The following SEC14L3 variants were observed in gnomAD, a reference collection of about 807,000 sequenced individuals.
SEC14L3 encodes the protein SEC14 like lipid binding 3.
Under a neutral mutation model 57.4 loss-of-function variants are expected in SEC14L3, and 56 were observed. The observed-to-expected ratio is 0.97, with a 90% confidence interval of 0.79 to 1.22. The LOEUF (loss-of-function observed/expected upper bound fraction) is 1.22. SEC14L3 is among the 50% of genes most tolerant of loss of function. SEC14L3 has a pLI of 0.00. For missense variants in SEC14L3, 485 were observed against 511.7 expected (o/e 0.95, Z 0.50); for synonymous variants, 173 against 194.4 (o/e 0.89, Z 0.92).
In SEC14L3 at chr22:30,459,535, C is replaced by A. The variant is rs1393908527; in HGVS notation, c.*486G>T. ...GCTGAAATCCACCCCACATAGGCTC[C>A]TCCTAATCATGTACAGCTGTTGAGT... is the stretch of plus-strand genomic sequence containing the variant. On this transcript the variant is annotated 3_prime_UTR_variant, in exon 12 of 12. Transcript: ENST00000215812. 1.0e-6 allele frequency: 1 copy of A among 986,224 alleles called. No homozygotes were observed. Among genetic ancestry groups the A allele is most frequent in the East Asian group, 1.1e-4 (1 of 8,850 alleles). 61.1% of individuals were successfully genotyped at this position (986,224 alleles called of 1,614,324 possible). A position where few individuals can be genotyped will look rare whatever the true frequency, so the allele number is the denominator to read the frequency against.
intron 12 of SEC14L3, among the ~76,000 whole-genome samples, chr22:30,449,857 G>A (rs866142760): frequency 6.6e-6 from 1 of 152,092 alleles, no homozygotes; most frequent in African/African-American, 2.4e-5. Context: ...GAGCCACCAC[G>A]CCTGGCCCCA....
downstream of SEC14L3, among the ~76,000 whole-genome samples, chr22:30,454,512 ATAATAT>A (rs1240238488): frequency 1.6e-5 from 2 of 125,550 alleles, no homozygotes; most frequent in South Asian, 4.8e-4. Flanking sequence ...ATAATCTATA[ATAATAT>A]TATTATATAT....
In SEC14L3 at chr22:30,461,315, C is replaced by A; in HGVS notation, c.1076G>T (p.Gly359Val). 2 of 1,587,384 alleles carry A rather than the reference C, an allele frequency of 1.3e-6. No homozygotes were observed. ...CCCAGCTGGGGCAGACTTACAGACG[C>A]CGGCCTCTGAGCAGGTGAGGTTCCC... ...EDGNLTCSEA[G>V]VYVLRFDNTY... The change falls in exon 11 of 12, where the codon GGC (glycine) becomes GTC (valine). Residue 359 changes from glycine to valine, a missense_variant. Transcript: ENST00000215812.
Position 30,470,273 on chromosome 22 carries a change from G to A in SEC14L3, c.131-18C>T. ...ATTCCGAGCTGTGGGAAAACAGAAG[G>A]AAGGTGTGAGACAGGAAAGATGCCT... On this transcript the variant is annotated intron_variant, in intron 2 of 11. Coordinates refer to ENST00000215812, the MANE Select transcript of SEC14L3 (RefSeq NM_174975.5). 3 of 1,611,470 alleles carry A rather than the reference G, an allele frequency of 1.9e-6. No individual in the cohort carries two copies. Among genetic ancestry groups the A allele is most frequent in the Non-Finnish European group, 2.5e-6 (3 of 1,178,860 alleles).
downstream of SEC14L3, among the ~76,000 whole-genome samples, chr22:30,454,778 AT>A (rs1935064264): frequency 2.6e-5 from 2 of 77,140 alleles, no homozygotes; most frequent in African/African-American, 1.1e-4. Flanking sequence ...ATAATATATT[AT>A]TATATATTAT....
rs1935178571 is a variant in SEC14L3 at position 30,459,326 on chromosome 22, G to T, written c.*695C>A. On this transcript the variant is annotated 3_prime_UTR_variant, in exon 12 of 12. Transcript: ENST00000215812. Reference sequence around the variant, plus strand: ...AAGCTATGTGCAACAAGGGAAGTGGGTTAGGGTGGGAAGCTGAGCGTGCAA... The same window carrying T: ...AAGCTATGTGCAACAAGGGAAGTGGTTTAGGGTGGGAAGCTGAGCGTGCAA... 1 of 985,338 alleles carries T rather than the reference G, an allele frequency of 1.0e-6. No homozygotes were observed. Among genetic ancestry groups the T allele is most frequent in the African/African-American group, 1.7e-5 (1 of 57,246 alleles). The allele number at this position is 985,338 out of a possible 1,614,324, so 61.0% of individuals were successfully genotyped here. A position where few individuals can be genotyped will look rare whatever the true frequency, so the allele number is the denominator to read the frequency against.
downstream of SEC14L3, among the ~76,000 whole-genome samples, chr22:30,454,657 T>C (rs1237362116): frequency 1.9e-5 from 2 of 105,466 alleles, no homozygotes; most frequent in African/African-American, 7.8e-5. Context: ...ATAATATTAC[T>C]ATATATAATC....
chr22:30,455,065 A>ATAATATATAATATATTAAATATT (rs1935085106), downstream of SEC14L3, among the ~76,000 whole-genome samples: 1 of 29,264 alleles, frequency 3.4e-5, no homozygotes, highest in Non-Finnish European at 4.8e-5. Flanking sequence ...TATATTATAT[A>ATAATATATAATATATTAAATATT]TAATATATAA....
At chr22:30,470,179 C>T (rs938428158) in intron 3 of SEC14L3, 33 bp downstream of exon 3, 3 of 1,613,840 alleles carry the variant, frequency 1.9e-6, no homozygotes, top group Non-Finnish European at 2.5e-6. Context: ...TGACAAATCC[C>T]CTCCATAAAT....
At chr22:30,449,167 A>G in exon 13 of SEC14L3, 1 of 1,550,580 alleles carries the variant, frequency 6.4e-7, no homozygotes, top group Non-Finnish European at 8.7e-7. Context: ...TGCGAGTTTG[A>G]GTGTGAGTTC....
chr22:30,467,283 C>CCA (rs58327765), intron 5 of SEC14L3: 13 of 265,916 alleles, frequency 4.9e-5, no homozygotes, highest in African/African-American at 9.3e-5. Flanking sequence ...ATCCATCCAT[C>CCA]TATCCAACCA....
At chr22:30,450,181 C>T (rs1166390877) in intron 12 of SEC14L3, among the ~76,000 whole-genome samples, 1 of 152,130 alleles carries the variant, frequency 6.6e-6, no homozygotes, top group East Asian at 1.9e-4. Context: ...GTTGAGGTAG[C>T]GGGGGCATGG....
chr22:30,467,073 C>G lies in SEC14L3; in HGVS notation c.428G>C (p.Gly143Ala), dbSNP rs558774611. 6.2e-7 allele frequency: 1 copy of G among 1,614,040 alleles called. No homozygotes were observed. Among genetic ancestry groups the G allele is most frequent in the African/African-American group, 1.3e-5 (1 of 75,032 alleles). ...CATCACGATGGTCTCAATCTTCTTC[C>G]CTAGCTGCAAGGATGAGAGCAAGAA... ...HECDLQTERL[G>A]KKIETIVMIF... Residue 143 changes from glycine to alanine, a missense_variant, in exon 6 of 12, where the codon GGG becomes GCG. By Grantham distance (60) the Gly-to-Ala change is moderately conservative. Coordinates refer to ENST00000215812, the MANE Select transcript of SEC14L3 (RefSeq NM_174975.5).
rs1376168231 is a variant in SEC14L3, at chr22:30,471,924, T to G, written c.35A>C (p.Gln12Pro). The G allele has an allele frequency of 6.2e-7, 1 of 1,612,044 alleles. No homozygotes were observed. The highest frequency in any genetic ancestry group is 1.3e-5 in the African/African-American group (1 of 74,842). The change falls in exon 1 of 12, where the codon CAG becomes CCG. Residue 12 changes from glutamine (Q) to proline (P), a missense_variant. Transcript: ENST00000215812. Reference protein sequence around the residue: ...SGRVGDLSPKQAETLAKFREN... With the variant: ...SGRVGDLSPKPAETLAKFREN... ...TCTCACCTTGGCCAGGGTCTCTGCC[T>G]GTTTGGGGCTCAGGTCTCCAACTCG... is the stretch of plus-strand genomic sequence containing the variant.
downstream of SEC14L3, among the ~76,000 whole-genome samples, chr22:30,455,599 G>A (rs1052855028): frequency 6.6e-6 from 1 of 152,142 alleles, no homozygotes; most frequent in Non-Finnish European, 1.5e-5. Flanking sequence ...AAAACCTGAT[G>A]TCTTAACTTT....
chr22:30,450,049 C>T (rs527859174), intron 12 of SEC14L3, among the ~76,000 whole-genome samples: 2 of 152,226 alleles, frequency 1.3e-5, no homozygotes, highest in East Asian at 1.9e-4. Context: ...TCCAGGTTCA[C>T]GGACACTTGT....
chr22:30,464,711 G>T, intron 8 of SEC14L3, 109 bp downstream of exon 8: 1 of 985,748 alleles, frequency 1.0e-6, no homozygotes, highest in Non-Finnish European at 1.6e-6. Flanking sequence ...GATTACATTC[G>T]TGAGCCACTG....
chr22:30,454,878 T>TTATATATATTATATAATATATAATA (rs1935072317), downstream of SEC14L3, among the ~76,000 whole-genome samples: 1 of 19,838 alleles, frequency 5.0e-5, no homozygotes. Context: ...ACATAATATA[T>TTATATATATTATATAATATATAATA]TATTATATAT....
At chr22:30,448,908 A>C in exon 13 of SEC14L3, 1 of 601,992 alleles carries the variant, frequency 1.7e-6, no homozygotes, top group East Asian at 2.8e-5. Flanking sequence ...ACAAACAAAC[A>C]AACCTCCAAA....
Sources: gnomAD v4.1 joint callset for allele counts (sites outside exome capture counted in the v4.1 genomes callset) on GRCh38, gnomAD v4.1.1 for gene constraint, MANE v1.5 for transcripts, NCBI Gene and HGNC (gene_info 2026-07-23, HGNC 2026-07-21) for gene names.